Variants in MCC observed in about 807,000 individuals in gnomAD.
MCC encodes MCC regulator of Wnt signaling pathway.
A neutral mutation model predicts 116.2 loss-of-function variants in MCC; 90 were observed. The ratio of observed to expected loss-of-function variants is 0.77; its 90% CI spans 0.65 to 0.92. The LOEUF (loss-of-function observed/expected upper bound fraction) is 0.92, where lower values mean the gene tolerates loss of function less well. Among genes scored for constraint, MCC ranks in the 40% least tolerant of loss-of-function variants. The pLI is 0.00. For missense variants in MCC, 1,516 were observed against 1,312.2 expected, an observed-to-expected ratio of 1.16 and a Z score of -2.40; for synonymous variants, 578 against 510.5, an observed-to-expected ratio of 1.13 and a Z score of -1.78.
At chr5:113,124,546 T>C (rs149616175) in intron 5 of MCC, among the ~76,000 whole-genome samples, 4 of 152,354 alleles carry the variant, frequency 2.6e-5, no homozygotes, top group Non-Finnish European at 4.4e-5. Context: ...ACCTTAAACC[T>C]GGCTTGGCAG....
intron 3 of MCC, among the ~76,000 whole-genome samples, chr5:113,334,156 A>C (rs1471466928): frequency 1.3e-5 from 2 of 148,216 alleles, no homozygotes; most frequent in African/African-American, 5.0e-5. Flanking sequence ...ATAGAAAGTG[A>C]AACTTCTGTT....
At chr5:113,109,537 G>A (rs1756955864) in intron 6 of MCC, among the ~76,000 whole-genome samples, 1 of 152,100 alleles carries the variant, frequency 6.6e-6, no homozygotes, top group South Asian at 2.1e-4. Flanking sequence ...CAGAGTTTAT[G>A]TTGGCATGAA....
chr5:113,434,110 C>A lies in MCC; in HGVS notation c.171-48898G>T. On this transcript the variant is annotated intron_variant, in intron 1 of 18. Coordinates refer to ENST00000408903, the MANE Select transcript of MCC (RefSeq NM_001085377.2). This position sits in a 1 kb window ranked among gnomAD's most constrained non-coding sequence, Gnocchi z 4.2. ...ATGTGGTAGATGAGGTCCTTGCACT[C>A]GCCTGTCAGGTGCTTGGAGCGTGGG... 2 of 1,614,168 alleles carry A rather than the reference C, an allele frequency of 1.2e-6. No individual in the cohort carries two copies. Among genetic ancestry groups the A allele is most frequent in the Non-Finnish European group, 1.7e-6 (2 of 1,180,030 alleles).
chr5:113,197,374 C>T (rs1037556915), intron 3 of MCC, among the ~76,000 whole-genome samples: 2 of 151,950 alleles, frequency 1.3e-5, no homozygotes, highest in Non-Finnish European at 2.9e-5. Context: ...AGAATGGCTA[C>T]CTATGGTTAT....
chr5:113,399,920 G>A (rs255856), intron 1 of MCC: 95,633 of 151,928 alleles, frequency 0.63, 32,766 homozygotes, highest in African/African-American at 0.91. Context: ...TCATTCACTG[G>A]CATGATAGTT....
intron 2 of MCC, among the ~76,000 whole-genome samples, chr5:113,356,458 G>C (rs776276506): frequency 6.6e-6 from 1 of 150,706 alleles, no homozygotes; most frequent in African/African-American, 2.4e-5. Flanking sequence ...TTTAGTGTTT[G>C]AAGGTAGCAG....
intron 1 of MCC, among the ~76,000 whole-genome samples, chr5:113,459,334 G>A (rs556750074): frequency 7.2e-5 from 11 of 151,902 alleles, no homozygotes; most frequent in Non-Finnish European, 1.3e-4. Flanking sequence ...TCAGGAGATC[G>A]AGACCATCTT....
chr5:113,436,402 A>T (rs1770866446), intron 1 of MCC: 1 of 152,268 alleles, frequency 6.6e-6, no homozygotes. Context: ...CTGAAAAACT[A>T]GTTCAGGCCA....
chr5:113,427,850 A>G (rs1219700655), intron 1 of MCC, among the ~76,000 whole-genome samples: 1 of 152,216 alleles, frequency 6.6e-6, no homozygotes, highest in Non-Finnish European at 1.5e-5. Flanking sequence ...TTCATACAAA[A>G]GTGAACTATA....
intron 1 of MCC, among the ~76,000 whole-genome samples, chr5:113,481,171 C>A (rs1200673851): frequency 6.6e-6 from 1 of 152,098 alleles, no homozygotes; most frequent in Admixed American, 6.5e-5. Flanking sequence ...ATTTGATTAG[C>A]CTATTTCCCT....
intron 8 of MCC, among the ~76,000 whole-genome samples, chr5:113,093,468 G>GCTCTCT (rs1755786054): frequency 7.2e-6 from 1 of 138,456 alleles, no homozygotes. Flanking sequence ...TCTATCTGTT[G>GCTCTCT]ATCTCTCTCT....
chr5:113,065,603 A>C (rs1010801801), intron 13 of MCC, among the ~76,000 whole-genome samples: 1 of 152,342 alleles, frequency 6.6e-6, no homozygotes, highest in Middle Eastern at 3.4e-3. Flanking sequence ...GCCGAGGCCC[A>C]GAGAAACTCC....
chr5:113,343,844 A>G (rs1442983770), intron 2 of MCC, among the ~76,000 whole-genome samples: 4 of 152,166 alleles, frequency 2.6e-5, no homozygotes, highest in Non-Finnish European at 5.9e-5. Flanking sequence ...TCAAACAGGA[A>G]AATATAACAG....
At chr5:113,338,984 G>T (rs1458466084) in intron 3 of MCC, among the ~76,000 whole-genome samples, 1 of 151,982 alleles carries the variant, frequency 6.6e-6, no homozygotes, top group Non-Finnish European at 1.5e-5. Context: ...ATAGTTTTAG[G>T]CTAAGGCGGG....
intron 3 of MCC, among the ~76,000 whole-genome samples, chr5:113,243,119 C>T (rs949999336): frequency 6.6e-6 from 1 of 152,040 alleles, no homozygotes; most frequent in Non-Finnish European, 1.5e-5. Flanking sequence ...ACATTTTTAG[C>T]TTTTTAGCCC....
chr5:113,123,622 C>T (rs1184954143), intron 5 of MCC, among the ~76,000 whole-genome samples: 1 of 152,170 alleles, frequency 6.6e-6, no homozygotes. Flanking sequence ...AGCTGAGAAA[C>T]TTAGAATTGC....
chr5:113,097,852 C>CA (rs1286540341), intron 8 of MCC, among the ~76,000 whole-genome samples: 1 of 152,150 alleles, frequency 6.6e-6, no homozygotes, highest in Non-Finnish European at 1.5e-5. Context: ...TTCAAAATAG[C>CA]ATGTCTACTT....
chr5:113,442,310 GT>G (rs1771064878), intron 1 of MCC, among the ~76,000 whole-genome samples: 1 of 152,194 alleles, frequency 6.6e-6, no homozygotes, highest in Non-Finnish European at 1.5e-5. Context: ...CTTTTGAGAA[GT>G]GTCTGTTCAT....
chr5:113,184,803 G>A (rs1395259582), intron 3 of MCC, among the ~76,000 whole-genome samples: 1 of 152,158 alleles, frequency 6.6e-6, no homozygotes, highest in Non-Finnish European at 1.5e-5. Context: ...TATGTTAGAA[G>A]GCTAACAGCT....
Sources: gnomAD v4.1 joint callset for allele counts (sites outside exome capture counted in the v4.1 genomes callset) on GRCh38, gnomAD v4.1.1 for gene constraint, Gnocchi (gnomAD v3.1) non-coding constraint, MANE v1.5 for transcripts, NCBI Gene and HGNC (gene_info 2026-07-23, HGNC 2026-07-21) for gene names.